The following NOS1 variants were observed in gnomAD, a reference collection of about 807,000 sequenced individuals.
The protein encoded by NOS1 is nitric oxide synthase 1.
A neutral mutation model predicts 164.5 loss-of-function variants in NOS1; 51 were observed. That is an observed-to-expected ratio of 0.31 (90% CI 0.25 to 0.39). The LOEUF (loss-of-function observed/expected upper bound fraction) is 0.39, where lower values mean the gene tolerates loss of function less well. NOS1 is among the 10% of genes least tolerant of loss of function. NOS1 has a pLI of 1.00. For synonymous variants in NOS1, 719 were observed against 745.8 expected, an observed-to-expected ratio of 0.96 and a Z score of 0.59; for missense variants, 1,362 against 1,885.6, an observed-to-expected ratio of 0.72 and a Z score of 5.14.
chr12:117,325,297 C>T (rs139190772), intron 2 of NOS1, among the ~76,000 whole-genome samples: 2 of 152,348 alleles, frequency 1.3e-5, no homozygotes, highest in East Asian at 3.9e-4. Context: ...CTGCCCGTCA[C>T]AAGAGTGACC....
chr12:117,329,807 C>A (rs1446269690), intron 2 of NOS1, among the ~76,000 whole-genome samples: 1 of 152,166 alleles, frequency 6.6e-6, no homozygotes, highest in African/African-American at 2.4e-5. Context: ...CCCTTCTACT[C>A]CTTCAGAATT....
chr12:117,343,437 T>C (rs73409543), intron 1 of NOS1, among the ~76,000 whole-genome samples: 4,448 of 152,352 alleles, frequency 0.029, 211 homozygotes, highest in African/African-American at 0.1. Context: ...ATTCTGAGAA[T>C]TCAGCTACAA....
chr12:117,337,559 T>C (rs1875895952), intron 1 of NOS1, among the ~76,000 whole-genome samples: 1 of 152,186 alleles, frequency 6.6e-6, no homozygotes, highest in South Asian at 2.1e-4. Flanking sequence ...CTCAAGAACC[T>C]ACTGGTAACA....
chr12:117,236,005 T>G (rs548150275), intron 20 of NOS1, among the ~76,000 whole-genome samples: 1 of 151,996 alleles, frequency 6.6e-6, no homozygotes, highest in African/African-American at 2.4e-5. Context: ...ACTGCACCAC[T>G]GCATTCCAGC....
intron 16 of NOS1, chr12:117,255,890 T>C (rs760612008): frequency 5.0e-6 from 6 of 1,195,768 alleles, no homozygotes; most frequent in Admixed American, 3.0e-5. Context: ...TGGGTGTGCA[T>C]GCATACACTC....
chr12:117,294,039 G>T (rs1332754462), intron 3 of NOS1, among the ~76,000 whole-genome samples: 1 of 152,090 alleles, frequency 6.6e-6, no homozygotes, highest in African/African-American at 2.4e-5. Flanking sequence ...ACATCCCTCT[G>T]ATTGTGCCCA....
At chr12:117,304,581 T>C (rs1175400360) in intron 3 of NOS1, among the ~76,000 whole-genome samples, 1 of 152,210 alleles carries the variant, frequency 6.6e-6, no homozygotes, top group Admixed American at 6.5e-5. Flanking sequence ...ATCAAGTGAA[T>C]GGTGACAGAT....
chr12:117,303,036 G>A (rs534821225), intron 3 of NOS1, among the ~76,000 whole-genome samples: 2 of 152,296 alleles, frequency 1.3e-5, no homozygotes, highest in African/African-American at 4.8e-5. Context: ...GTGAGCCACC[G>A]CGCTGGGCCA....
chr12:117,244,086 C>T lies in NOS1; in HGVS notation c.2824-651G>A, dbSNP rs184995210. Among the ~76,000 whole-genome samples, 316 of 152,258 alleles carry T rather than the reference C, an allele frequency of 2.1e-3. 2 individuals are homozygous for T. The highest frequency in any genetic ancestry group is 5.5e-3 in the African/African-American group (229 of 41,556). On this transcript the variant is annotated intron_variant, in intron 18 of 28. Coordinates refer to ENST00000317775, the MANE Select transcript of NOS1 (RefSeq NM_000620.5). ...GTTTAACATTAAAGAAGAAAGTAAA[C>T]ATCTCAGAATTTCCCAATCCATCTT...
rs778289278 is a variant in NOS1, at chr12:117,272,386, T to G, written c.1838A>C (p.Glu613Ala). Reference protein sequence around the residue: ...YCDNSRYNILEEVAKKMNLDM... With the variant: ...YCDNSRYNILAEVAKKMNLDM... ...GTGGTGACCAGAGAGGGCCCTTACC[T>G]CCAGGATATTGTAGCGGGAGTTGTC... Residue 613 changes from glutamate (E) to alanine (A), a missense_variant and splice_region_variant, in exon 10 of 29, where the codon GAG (glutamate) becomes GCG (alanine). By Grantham distance (107) the Glu-to-Ala change is moderately radical (BLOSUM62 -1). Coordinates refer to ENST00000317775, the MANE Select transcript of NOS1 (RefSeq NM_000620.5). This position sits in a 1 kb window ranked among gnomAD's most constrained non-coding sequence, Gnocchi z 4.3. The G allele has an allele frequency of 6.2e-7, 1 of 1,614,048 alleles. No homozygotes were observed. Among genetic ancestry groups the G allele is most frequent in the African/African-American group, 1.3e-5 (1 of 75,002 alleles).
Position 117,243,704 on chromosome 12 carries a change from C to G in NOS1, c.2824-269G>C, listed in dbSNP as rs9658474. On this transcript the variant is annotated intron_variant, in intron 18 of 28. Coordinates refer to ENST00000317775, the MANE Select transcript of NOS1 (RefSeq NM_000620.5). The surrounding 1 kb of genome is among the most constrained non-coding windows in gnomAD (Gnocchi z 4.3). Reference sequence around the variant, plus strand: ...CTCATCTACTCTTCCATTCATCTACCCTTCCACCCTCCCATCCATGTATCT... The same window carrying G: ...CTCATCTACTCTTCCATTCATCTACGCTTCCACCCTCCCATCCATGTATCT... Among the ~76,000 whole-genome samples, 38,342 of 151,428 alleles carry G rather than the reference C, an allele frequency of 0.25. 7,009 individuals are homozygous for G. The highest frequency in any genetic ancestry group is 0.5 in the African/African-American group (20,441 of 41,150).
chr12:117,320,677 G>T (rs759766764), intron 2 of NOS1, among the ~76,000 whole-genome samples: 31 of 152,184 alleles, frequency 2.0e-4, no homozygotes, highest in Non-Finnish European at 3.1e-4. Context: ...ACAGTAGGGT[G>T]GTTGATGGGC....
intron 3 of NOS1, among the ~76,000 whole-genome samples, chr12:117,305,258 C>T (rs953412746): frequency 2.4e-4 from 37 of 151,994 alleles, no homozygotes; most frequent in African/African-American, 8.0e-4. Context: ...GTCAGGAGAT[C>T]GAGACCATCC....
chr12:117,328,310 A>C (rs1187252037), intron 2 of NOS1, among the ~76,000 whole-genome samples: 2 of 152,046 alleles, frequency 1.3e-5, no homozygotes, highest in African/African-American at 4.8e-5. Context: ...AGCTGGGATT[A>C]CAGGCACCCA....
intron 6 of NOS1, 62 bp from the exon 7 acceptor site, chr12:117,285,394 A>C: frequency 8.8e-7 from 1 of 1,137,664 alleles, no homozygotes; most frequent in Non-Finnish European, 1.3e-6. Flanking sequence ...CCCCCAGCGC[A>C]ATCTTCCCAT....
rs113781886 is a variant in NOS1, at chr12:117,210,927, C to G, written c.*4382G>C. The G allele has an allele frequency of 1.6e-3, 1,584 of 983,594 alleles. 26 individuals carry two copies. In the African/African-American group the frequency reaches 0.025, roughly 16 times the overall value. The allele number at this position is 983,594 out of a possible 1,614,324, so 60.9% of individuals were successfully genotyped here. ...TGCTCTTCAGAGACCTCTCTCTCAG[C>G]TAGGGGCAAGATGTTTTATTTTATT... On this transcript the variant is annotated 3_prime_UTR_variant, in exon 29 of 29. Transcript: ENST00000317775.
intron 1 of NOS1, among the ~76,000 whole-genome samples, chr12:117,355,564 C>T (rs1400820076): frequency 6.6e-6 from 1 of 151,900 alleles, no homozygotes; most frequent in East Asian, 1.9e-4. Context: ...AAAACAATGC[C>T]CCCAATCCAA....
intron 1 of NOS1, among the ~76,000 whole-genome samples, chr12:117,357,120 T>C (rs1298074384): frequency 1.3e-5 from 2 of 152,132 alleles, no homozygotes; most frequent in Non-Finnish European, 2.9e-5. Context: ...CCCAGGAGTT[T>C]GAGTCTGGCC....
At position 117,214,408 on chromosome 12, in the gene NOS1, T is replaced by C. The variant is rs1956571571; in HGVS notation, c.*901A>G. 2.0e-6 allele frequency: 2 copies of C among 985,254 alleles called. No individual in the cohort carries two copies. The highest frequency in any genetic ancestry group is 9.4e-5 in the South Asian group (2 of 21,274). The allele number at this position is 985,254 out of a possible 1,614,324, so 61.0% of individuals were successfully genotyped here. A position where few individuals can be genotyped will look rare whatever the true frequency, so the allele number is the denominator to read the frequency against. Reference sequence around the variant, plus strand: ...CAACATAACTTCCAGGCCCCTTGGATGCTATTGCTGGAGGAGGGGGTCAGT... The same window carrying C: ...CAACATAACTTCCAGGCCCCTTGGACGCTATTGCTGGAGGAGGGGGTCAGT... On this transcript the variant is annotated 3_prime_UTR_variant, in exon 29 of 29. Transcript: ENST00000317775.
Sources: gnomAD v4.1 joint callset for allele counts (sites outside exome capture counted in the v4.1 genomes callset) on GRCh38, gnomAD v4.1.1 for gene constraint, Gnocchi (gnomAD v3.1) non-coding constraint, MANE v1.5 for transcripts, NCBI Gene and HGNC (gene_info 2026-07-23, HGNC 2026-07-21) for gene names.